The following ASIC2 variants were observed in gnomAD, a reference collection of about 807,000 sequenced individuals.
ASIC2 encodes the protein acid-sensing ion channel 2.
In ASIC2, 25 loss-of-function variants were observed where a neutral mutation model predicts 57.3. That is an observed-to-expected ratio of 0.44 (90% CI 0.32 to 0.61). ASIC2 has a LOEUF of 0.61. Among genes scored for constraint, ASIC2 ranks in the 20% least tolerant of loss-of-function variants. The pLI is 0.06. For synonymous variants in ASIC2, 319 were observed against 307.5 expected, an observed-to-expected ratio of 1.04 and a Z score of -0.39; for missense variants, 641 against 738.1, an observed-to-expected ratio of 0.87 and a Z score of 1.52.
At chr17:33,465,029 A>G (rs1830484729) in intron 1 of ASIC2, among the ~76,000 whole-genome samples, 1 of 152,174 alleles carries the variant, frequency 6.6e-6, no homozygotes, top group Admixed American at 6.5e-5. Flanking sequence ...GGGGCATAAG[A>G]CACCAGGATA....
At chr17:33,692,307 C>T (rs1908397816) in intron 1 of ASIC2, 1 of 152,100 alleles carries the variant, frequency 6.6e-6, no homozygotes, top group Admixed American at 6.5e-5. Context: ...GCACTGATTA[C>T]AAGTCTGGAT....
intron 1 of ASIC2, among the ~76,000 whole-genome samples, chr17:33,499,241 C>G (rs12942077): frequency 6.6e-6 from 1 of 152,206 alleles, no homozygotes; most frequent in East Asian, 1.9e-4. Flanking sequence ...GGATTCAGGC[C>G]TAAGCCAACT....
At chr17:33,525,843 T>G (rs878948060) in intron 1 of ASIC2, among the ~76,000 whole-genome samples, 2 of 152,184 alleles carry the variant, frequency 1.3e-5, no homozygotes, top group Admixed American at 6.5e-5. Context: ...ACTCACCTCC[T>G]CCAGGAAGCT....
In ASIC2 at chr17:33,219,919, C is replaced by T. The variant is rs537775745; in HGVS notation, c.708+71489G>A. On this transcript the variant is annotated intron_variant, in intron 1 of 9. Transcript: ENST00000225823. ...TCTGCAGAGCAGGGTCATGGACATG[C>T]CACATTCTTCCCTGCCAGAGGACCC... Among the ~76,000 whole-genome samples, 14 of 152,280 alleles carry T rather than the reference C, an allele frequency of 9.2e-5. 1 individual carries two copies. The highest frequency in any genetic ancestry group is 3.1e-4 in the African/African-American group (13 of 41,552).
chr17:33,862,943 G>C (rs1172209804), intron 1 of ASIC2, among the ~76,000 whole-genome samples: 1 of 152,136 alleles, frequency 6.6e-6, no homozygotes, highest in Non-Finnish European at 1.5e-5. Context: ...GCAGGGGAGG[G>C]AGGCTATCTC....
intron 1 of ASIC2, among the ~76,000 whole-genome samples, chr17:33,421,036 G>C (rs1338131284): frequency 6.6e-6 from 1 of 152,226 alleles, no homozygotes; most frequent in African/African-American, 2.4e-5. Context: ...GTAATGGAGG[G>C]AATGGAACAT....
chr17:33,268,283 C>G (rs1047408353), intron 1 of ASIC2, among the ~76,000 whole-genome samples: 1 of 152,108 alleles, frequency 6.6e-6, no homozygotes, highest in African/African-American at 2.4e-5. Context: ...TTACAACCAG[C>G]AAACCCTAAC....
chr17:33,678,520 T>C (rs867319853), intron 1 of ASIC2, among the ~76,000 whole-genome samples: 1 of 151,002 alleles, frequency 6.6e-6, no homozygotes, highest in South Asian at 2.1e-4. Context: ...AGAGAGGAAT[T>C]GGCCTAAAGT....
Position 33,025,977 on chromosome 17 carries a change from C to A in ASIC2, c.1144G>T (p.Ala382Ser). The A allele has an allele frequency of 1.2e-6, 2 of 1,613,564 alleles. No individual in the cohort carries two copies. Among genetic ancestry groups the A allele is most frequent in the East Asian group, 2.2e-5 (1 of 44,812 alleles). Residue 382 changes from alanine to serine, a missense_variant, in exon 5 of 10, where the codon GCC becomes TCC. Ala to Ser is a moderately conservative substitution (Grantham distance 99, BLOSUM62 1). This residue lies in a region of ASIC2 where 252 missense variants were observed against 319.8 expected (regional missense o/e 0.79). Transcript: ENST00000225823. ...NCRMVHMPGDAPFCTPEQHKE... is the reference protein window; with the variant it reads ...NCRMVHMPGDSPFCTPEQHKE... ...TGCTGCTCAGGGGTACAAAAAGGGG[C>A]ATCCCCTGCAAAGAAGAAACACCAG...
intron 1 of ASIC2, among the ~76,000 whole-genome samples, chr17:33,431,609 G>A (rs1413234406): frequency 6.6e-6 from 1 of 152,084 alleles, no homozygotes; most frequent in Non-Finnish European, 1.5e-5. Flanking sequence ...AAACTGGGTA[G>A]AGGAAGAGAG....
chr17:33,043,243 G>T (rs1479810925), intron 3 of ASIC2, among the ~76,000 whole-genome samples: 1 of 152,180 alleles, frequency 6.6e-6, no homozygotes, highest in Non-Finnish European at 1.5e-5. Context: ...TTTTACTGAT[G>T]AGCAAACTTC....
chr17:33,667,967 G>T (rs1324395633), intron 1 of ASIC2, among the ~76,000 whole-genome samples: 1 of 152,192 alleles, frequency 6.6e-6, no homozygotes, highest in African/African-American at 2.4e-5. Context: ...CAAAACAAGT[G>T]CAGACTGGAG....
intron 1 of ASIC2, among the ~76,000 whole-genome samples, chr17:33,389,801 C>T (rs1909824902): frequency 6.6e-6 from 1 of 152,202 alleles, no homozygotes; most frequent in South Asian, 2.1e-4. Context: ...TATTTATGAA[C>T]AGGAATGATG....
intron 1 of ASIC2, among the ~76,000 whole-genome samples, chr17:33,512,983 C>T (rs1207886298): frequency 6.6e-6 from 1 of 152,204 alleles, no homozygotes; most frequent in East Asian, 1.9e-4. Flanking sequence ...AACTTGGCTC[C>T]TGGACCATGT....
chr17:33,276,456 C>T (rs930289379), intron 1 of ASIC2, among the ~76,000 whole-genome samples: 5 of 152,166 alleles, frequency 3.3e-5, no homozygotes, highest in African/African-American at 9.7e-5. Flanking sequence ...AAGACTTTCT[C>T]GCTCCTAAGT....
At position 33,789,356 on chromosome 17, in the gene ASIC2, C is replaced by T. The variant is rs552858261; in HGVS notation, c.555+366622G>A. Among the ~76,000 whole-genome samples the T allele has an allele frequency of 9.9e-5, 15 of 152,188 alleles. No individual in the cohort carries two copies. The South Asian group carries it at 3.1e-3, about 32-fold the overall frequency. ...ACTGTGGTCCAGACATCCTGATAAGCACTTTTATAAACATTGTTTTCCTCA... is the reference window on the plus strand; with the variant it reads ...ACTGTGGTCCAGACATCCTGATAAGTACTTTTATAAACATTGTTTTCCTCA... On this transcript the variant is annotated intron_variant, in intron 1 of 9. Transcript: ENST00000359872.
intron 1 of ASIC2, among the ~76,000 whole-genome samples, chr17:33,257,082 CT>C (rs1376665434): frequency 1.3e-4 from 20 of 152,304 alleles, no homozygotes; most frequent in African/African-American, 4.6e-4. Context: ...TCCCAGAGTG[CT>C]CTGAAATTTG....
At chr17:34,137,673 A>C (rs777665871) in intron 1 of ASIC2, among the ~76,000 whole-genome samples, 6 of 152,164 alleles carry the variant, frequency 3.9e-5, no homozygotes, top group Non-Finnish European at 8.8e-5. Context: ...GTAGCTTACA[A>C]ACAACAGATT....
chr17:33,872,101 C>A (rs927022008), intron 1 of ASIC2, among the ~76,000 whole-genome samples: 2 of 152,218 alleles, frequency 1.3e-5, no homozygotes, highest in Non-Finnish European at 2.9e-5. Context: ...AGCCAGATAT[C>A]AGCCAGGAGG....
Sources: allele counts gnomAD v4.1 joint callset (sites outside exome capture counted in the v4.1 genomes callset), GRCh38; gene constraint gnomAD v4.1.1; regional missense constraint gnomAD v4.1.1; transcripts MANE v1.5; gene names NCBI Gene and HGNC (gene_info 2026-07-23, HGNC 2026-07-21).